Variants in FGGY observed in about 807,000 individuals in gnomAD.
FGGY encodes FGGY carbohydrate kinase domain-containing protein.
Under a neutral mutation model 71.3 loss-of-function variants are expected in FGGY, and 72 were observed. That is an observed-to-expected ratio of 1.01 (90% CI 0.84 to 1.23). The LOEUF is 1.23. FGGY is among the 50% of genes most tolerant of loss of function. FGGY has a pLI of 0.00. For missense variants in FGGY, 668 were observed against 682.3 expected (o/e 0.98, Z 0.23); for synonymous variants, 251 against 250.3 (o/e 1.00, Z -0.02).
intron 14 of FGGY, among the ~76,000 whole-genome samples, chr1:59,704,107 A>G (rs1052581039): frequency 1.3e-5 from 2 of 152,142 alleles, no homozygotes; most frequent in East Asian, 3.9e-4. Flanking sequence ...GAATGTGTAT[A>G]TGTGCGCACA....
chr1:59,391,631 A>G (rs1226977331), intron 5 of FGGY, among the ~76,000 whole-genome samples: 1 of 152,046 alleles, frequency 6.6e-6, no homozygotes, highest in East Asian at 1.9e-4. Flanking sequence ...TATGATGTGC[A>G]CTCTTCACTG....
intron 8 of FGGY, among the ~76,000 whole-genome samples, chr1:59,577,229 G>T (rs1170946956): frequency 6.6e-6 from 1 of 152,172 alleles, no homozygotes; most frequent in Non-Finnish European, 1.5e-5. Context: ...GATAGACTTT[G>T]CCCCTAAAGA....
chr1:59,669,540 C>CTTTTTTTTTTTTTTTTTTTTTTTTTTTTT (rs58004594), intron 13 of FGGY, among the ~76,000 whole-genome samples: 3 of 102,498 alleles, frequency 2.9e-5, no homozygotes, highest in Non-Finnish European at 5.3e-5. Flanking sequence ...TTCTAGACTT[C>CTTTTTTTTTTTTTTTTTTTTTTTTTTTTT]TTTTTTTTTT....
At chr1:59,426,810 G>T (rs142902430) in intron 5 of FGGY, among the ~76,000 whole-genome samples, 32 of 151,588 alleles carry the variant, frequency 2.1e-4, no homozygotes, top group African/African-American at 7.5e-4. Flanking sequence ...TGAATGGATG[G>T]ATGAGATGGT....
At position 59,474,202 on chromosome 1, in the gene FGGY, G is replaced by A. The variant is rs554769017; in HGVS notation, c.670+17126G>A. On this transcript the variant is annotated intron_variant, in intron 6 of 15. Coordinates refer to ENST00000303721, the MANE Select transcript of FGGY (RefSeq NM_018291.5). The stretch of plus-strand genomic sequence containing the variant: ...CATTGACCACATCATGGTGATACAA[G>A]GTAATAACTTTCAGAGGTTTTGCTG... The A allele has an allele frequency of 8.5e-5, 13 of 152,294 alleles. No homozygotes were observed. In the South Asian group the frequency reaches 2.3e-3, roughly 27 times the overall value. 9.4% of individuals were successfully genotyped at this position (152,294 alleles called of 1,614,324 possible).
chr1:59,322,627 G>A (rs956608700), intron 2 of FGGY, among the ~76,000 whole-genome samples: 2 of 152,174 alleles, frequency 1.3e-5, no homozygotes, highest in African/African-American at 2.4e-5. Flanking sequence ...AACATGGTGT[G>A]TTCTGATAAA....
chr1:59,598,012 G>A (rs1184473073), intron 8 of FGGY, among the ~76,000 whole-genome samples: 3 of 152,194 alleles, frequency 2.0e-5, no homozygotes, highest in Admixed American at 6.5e-5. Context: ...TGCAGATGGA[G>A]CACGCTACCT....
Position 59,468,146 on chromosome 1 carries a change from G to A in FGGY, c.670+11070G>A, listed in dbSNP as rs56010261. Among the ~76,000 whole-genome samples the A allele has an allele frequency of 8.7e-3, 1,326 of 152,034 alleles. 10 individuals are homozygous for A. Among genetic ancestry groups the A allele is most frequent in the Non-Finnish European group, 0.012 (825 of 67,980 alleles). On this transcript the variant is annotated intron_variant, in intron 6 of 15. Coordinates refer to ENST00000303721, the MANE Select transcript of FGGY (RefSeq NM_018291.5). The stretch of plus-strand genomic sequence containing the variant: ...TCGAACTCTCGACCTCAAGTGATCC[G>A]CCCCCCTCAGCCTCCCAAAGTGCTG...
intron 10 of FGGY, among the ~76,000 whole-genome samples, chr1:59,628,769 AAGAG>A (rs891208815): frequency 6.6e-6 from 1 of 152,148 alleles, no homozygotes; most frequent in African/African-American, 2.4e-5. Flanking sequence ...CACAGGACAA[AAGAG>A]AGATAGTCTA....
intron 14 of FGGY, among the ~76,000 whole-genome samples, chr1:59,682,949 A>G (rs952680499): frequency 1.3e-5 from 2 of 152,176 alleles, no homozygotes; most frequent in South Asian, 2.1e-4. Flanking sequence ...GATGTTCTCA[A>G]TGAAGGAACC....
intron 5 of FGGY, chr1:59,393,404 T>C (rs2060935391): frequency 6.6e-6 from 1 of 152,080 alleles, no homozygotes; most frequent in Non-Finnish European, 1.5e-5. Flanking sequence ...ATTTAAGGAG[T>C]CTTGCTAATC....
chr1:59,307,091 G>C (rs2043549316), intron 1 of FGGY, among the ~76,000 whole-genome samples: 1 of 152,052 alleles, frequency 6.6e-6, no homozygotes, highest in Admixed American at 6.6e-5. Flanking sequence ...GAGGTGGGAG[G>C]ATAGCTTGAG....
chr1:59,371,092 A>T (rs564058362), intron 4 of FGGY, among the ~76,000 whole-genome samples: 137 of 152,334 alleles, frequency 9.0e-4, no homozygotes, highest in African/African-American at 3.0e-3. Context: ...AAGTGCTCCA[A>T]TTAAAAGACA....
At chr1:59,616,239 C>T (rs1369299084) in intron 9 of FGGY, among the ~76,000 whole-genome samples, 3 of 152,180 alleles carry the variant, frequency 2.0e-5, no homozygotes, top group Admixed American at 6.5e-5. Flanking sequence ...CCAAGCCAAA[C>T]ATCCAACAAT....
chr1:59,440,337 G>A (rs1366130681), intron 5 of FGGY, among the ~76,000 whole-genome samples: 2 of 152,066 alleles, frequency 1.3e-5, no homozygotes, highest in East Asian at 3.9e-4. Flanking sequence ...CAAGCAGGCA[G>A]CTTTCTTTCC....
chr1:59,350,092 C>T (rs2052944100), intron 4 of FGGY, among the ~76,000 whole-genome samples: 1 of 152,158 alleles, frequency 6.6e-6, no homozygotes, highest in Non-Finnish European at 1.5e-5. Flanking sequence ...AGTAGAGCTG[C>T]TCAAGTGCCC....
intron 14 of FGGY, among the ~76,000 whole-genome samples, chr1:59,678,862 A>C (rs1558775264): frequency 6.6e-6 from 1 of 152,208 alleles, no homozygotes; most frequent in Non-Finnish European, 1.5e-5. Flanking sequence ...TTTTAAGGGG[A>C]GTACCAGTGT....
chr1:59,514,879 C>T (rs1336860799), intron 7 of FGGY, among the ~76,000 whole-genome samples: 2 of 152,174 alleles, frequency 1.3e-5, no homozygotes, highest in South Asian at 2.1e-4. Context: ...TCTTTATCAG[C>T]AGCATAAAAA....
intron 5 of FGGY, among the ~76,000 whole-genome samples, chr1:59,420,338 T>A (rs11207447): frequency 0.032 from 4,937 of 152,274 alleles, 261 homozygotes; most frequent in African/African-American, 0.11. Flanking sequence ...GTGATAACAT[T>A]AGAAAAGACT....
Sources: allele counts gnomAD v4.1 joint callset (sites outside exome capture counted in the v4.1 genomes callset), GRCh38; gene constraint gnomAD v4.1.1; transcripts MANE v1.5; gene names NCBI Gene and HGNC (gene_info 2026-07-23, HGNC 2026-07-21).